The following TENM3 variants were observed in gnomAD, a reference collection of about 807,000 sequenced individuals.
TENM3 encodes teneurin transmembrane protein 3.
TENM3 carries 63 observed loss-of-function variants against 255.1 expected under a neutral mutation model. The ratio of observed to expected loss-of-function variants is 0.25; its 90% CI spans 0.20 to 0.30. The LOEUF is 0.30. Ranked by LOEUF, TENM3 falls within the 10% of genes least tolerant of loss-of-function variation. The pLI is 1.00. For synonymous variants in TENM3, 1,306 were observed against 1,322.3 expected, an observed-to-expected ratio of 0.99 and a Z score of 0.27; for missense variants, 2,929 against 3,461.1, an observed-to-expected ratio of 0.85 and a Z score of 3.86.
intron 1 of TENM3, among the ~76,000 whole-genome samples, chr4:182,224,218 G>A (rs1043380786): frequency 2.6e-5 from 4 of 152,058 alleles, no homozygotes; most frequent in Admixed American, 6.6e-5. Flanking sequence ...TAGTGTATCC[G>A]TTCTTATTCT....
the TENM3 span, among the ~76,000 whole-genome samples, chr4:182,053,554 G>A: frequency 9.9e-5 from 15 of 152,118 alleles, no homozygotes; most frequent in Non-Finnish European, 1.9e-4. Context: ...ACTAATCGAT[G>A]TCCTGGGCCC....
chr4:182,347,109 A>AT lies in TENM3; in HGVS notation c.511+186dup, dbSNP rs577692834. Among the ~76,000 whole-genome samples the AT allele has an allele frequency of 3.2e-4, 48 of 150,846 alleles. No individual in the cohort carries two copies. In the East Asian group the frequency reaches 8.4e-3, roughly 26 times the overall value. On this transcript the variant is annotated intron_variant, in intron 3 of 27. Coordinates refer to ENST00000511685, the MANE Select transcript of TENM3 (RefSeq NM_001080477.4). ...CTCAAGAAATGTCCTTGAATAATGC[A>AT]TTTTTTCCTGGAAAAAAAAATCAAT...
the TENM3 span, among the ~76,000 whole-genome samples, chr4:182,047,998 G>A: frequency 6.6e-6 from 1 of 152,130 alleles, no homozygotes; most frequent in Non-Finnish European, 1.5e-5. Context: ...TTCTACAGGA[G>A]TTTGTGGTTG....
chr4:182,732,738 G>C (rs1760871552), intron 16 of TENM3, among the ~76,000 whole-genome samples: 1 of 152,030 alleles, frequency 6.6e-6, no homozygotes, highest in South Asian at 2.1e-4. Flanking sequence ...GAGGTGGGAG[G>C]ATCACTTCAG....
the TENM3 span, among the ~76,000 whole-genome samples, chr4:181,966,923 T>C: frequency 1.3e-5 from 2 of 152,074 alleles, no homozygotes; most frequent in Non-Finnish European, 1.5e-5. Flanking sequence ...CCTTCCAGAA[T>C]GCCATATGAA....
At chr4:182,095,876 TAAAA>T in the TENM3 span, among the ~76,000 whole-genome samples, 1 of 141,192 alleles carries the variant, frequency 7.1e-6, no homozygotes, top group Non-Finnish European at 1.6e-5. Context: ...ACTTAAAAAT[TAAAA>T]AAGAAAGAGA....
intron 3 of TENM3, among the ~76,000 whole-genome samples, chr4:182,476,127 C>G (rs544335402): frequency 1.3e-5 from 2 of 152,188 alleles, no homozygotes; most frequent in African/African-American, 4.8e-5. Context: ...TCCAAAATGA[C>G]CTACACTTGA....
At chr4:182,055,491 C>T in the TENM3 span, among the ~76,000 whole-genome samples, 6 of 152,154 alleles carry the variant, frequency 3.9e-5, no homozygotes, top group Non-Finnish European at 8.8e-5. Flanking sequence ...GTCAAAGTCA[C>T]TTTTGAGGTC....
At chr4:182,250,083 T>C (rs1424589636) in intron 1 of TENM3, among the ~76,000 whole-genome samples, 18 of 150,076 alleles carry the variant, frequency 1.2e-4, no homozygotes, top group African/African-American at 3.2e-4. Context: ...GACGGAGTCT[T>C]GCTCTGTCGC....
intron 3 of TENM3, among the ~76,000 whole-genome samples, chr4:182,366,332 C>T (rs1766428794): frequency 6.6e-6 from 1 of 151,600 alleles, no homozygotes; most frequent in Non-Finnish European, 1.5e-5. Context: ...AGAGCAAATA[C>T]TAATTATATT....
the TENM3 span, among the ~76,000 whole-genome samples, chr4:181,587,240 C>T: frequency 2.6e-5 from 4 of 152,192 alleles, no homozygotes; most frequent in Non-Finnish European, 5.9e-5. Flanking sequence ...TTAACAAATT[C>T]AGCCATCATT....
chr4:181,650,179 G>C, the TENM3 span, among the ~76,000 whole-genome samples: 856 of 152,250 alleles, frequency 5.6e-3, 7 homozygotes, highest in African/African-American at 0.02. Flanking sequence ...AAATTCCCAG[G>C]ATACTGCATT....
the TENM3 span, among the ~76,000 whole-genome samples, chr4:181,854,398 T>C: frequency 1.3e-5 from 2 of 152,168 alleles, no homozygotes; most frequent in Non-Finnish European, 2.9e-5. Flanking sequence ...CACACACTCA[T>C]AGGCAAGCTC....
the TENM3 span, among the ~76,000 whole-genome samples, chr4:181,691,268 CATGTAT>C: frequency 6.6e-6 from 1 of 151,418 alleles, no homozygotes; most frequent in African/African-American, 2.4e-5. Context: ...TAATTAAGTA[CATGTAT>C]ATGTGTGCAT....
the TENM3 span, among the ~76,000 whole-genome samples, chr4:182,025,527 T>C: frequency 6.6e-6 from 1 of 152,180 alleles, no homozygotes; most frequent in South Asian, 2.1e-4. Flanking sequence ...TTCTTTTGGG[T>C]ATACACCCAG....
intron 1 of TENM3, among the ~76,000 whole-genome samples, chr4:182,289,150 A>G (rs1760945988): frequency 6.6e-6 from 1 of 152,214 alleles, no homozygotes; most frequent in African/African-American, 2.4e-5. Context: ...GGATCACTTG[A>G]GCCTGGCAGG....
chr4:182,694,076 G>T (rs1007523840), intron 12 of TENM3, among the ~76,000 whole-genome samples: 1 of 151,850 alleles, frequency 6.6e-6, no homozygotes, highest in African/African-American at 2.4e-5. Flanking sequence ...TGGGTTAAGG[G>T]TTTGAGGGTT....
chr4:181,874,011 C>T, the TENM3 span, among the ~76,000 whole-genome samples: 1 of 152,120 alleles, frequency 6.6e-6, no homozygotes, highest in Non-Finnish European at 1.5e-5. Flanking sequence ...TCTCAATATC[C>T]TGACCTGGTG....
In TENM3 at chr4:182,348,911, G is replaced by T. The variant is rs553785122; in HGVS notation, c.511+1982G>T. On this transcript the variant is annotated intron_variant, in intron 3 of 27. Coordinates refer to ENST00000511685, the MANE Select transcript of TENM3 (RefSeq NM_001080477.4). ...ATACCACTGCCCTCACCATTCGCAT[G>T]GATTAATATTAACTAGAGGAGGAAA... Among the ~76,000 whole-genome samples the T allele has an allele frequency of 1.0e-3, 155 of 152,192 alleles. 1 individual carries two copies. The Middle Eastern group carries it at 0.01, about 10-fold the overall frequency.
Sources: gnomAD v4.1 joint callset for allele counts (sites outside exome capture counted in the v4.1 genomes callset) on GRCh38, gnomAD v4.1.1 for gene constraint, MANE v1.5 for transcripts, NCBI Gene and HGNC (gene_info 2026-07-23, HGNC 2026-07-21) for gene names.